PAPPA: variants seen among roughly 807,000 people sequenced by gnomAD.
PAPPA encodes the protein pappalysin-1.
PAPPA carries 60 observed loss-of-function variants against 164.0 expected under a neutral mutation model. The ratio of observed to expected loss-of-function variants is 0.37; its 90% CI spans 0.30 to 0.45. The LOEUF is 0.45. Among genes scored for constraint, PAPPA ranks in the 20% least tolerant of loss-of-function variants. PAPPA has a pLI of 1.00. For synonymous variants in PAPPA, 875 were observed against 814.1 expected, an observed-to-expected ratio of 1.07 and a Z score of -1.27; for missense variants, 1,782 against 2,087.3, an observed-to-expected ratio of 0.85 and a Z score of 2.85.
chr9:116,381,928 C>A (rs1266906705), intron 20 of PAPPA, among the ~76,000 whole-genome samples: 1 of 152,196 alleles, frequency 6.6e-6, no homozygotes, highest in African/African-American at 2.4e-5. Context: ...TACATTTTAT[C>A]TTAATGCTTC....
chr9:116,353,457 G>T (rs1846310515), intron 16 of PAPPA, among the ~76,000 whole-genome samples, 165 bp from the exon 17 acceptor site: 1 of 152,194 alleles, frequency 6.6e-6, no homozygotes. Flanking sequence ...TTCTGTGGAT[G>T]AATTATCCTT....
At chr9:116,306,367 T>C (rs1006358640) in intron 10 of PAPPA, among the ~76,000 whole-genome samples, 5 of 152,238 alleles carry the variant, frequency 3.3e-5, no homozygotes, top group Non-Finnish European at 7.3e-5. Flanking sequence ...AGTTTTGATG[T>C]TGTAAAAGCC....
At position 116,211,576 on chromosome 9, in the gene PAPPA, G is replaced by C. The variant is rs1844307421; in HGVS notation, c.1625-63G>C. The C allele has an allele frequency of 2.8e-6, 4 of 1,437,606 alleles. No individual in the cohort carries two copies. In the Admixed American group the frequency reaches 6.9e-5, roughly 25 times the overall value. The allele number at this position is 1,437,606 out of a possible 1,614,324, so 89.1% of individuals were successfully genotyped here. A position where few individuals can be genotyped will look rare whatever the true frequency, so the allele number is the denominator to read the frequency against. The stretch of plus-strand genomic sequence containing the variant: ...CATCTCTTTATCCTTGATGGACTTG[G>C]GGGTTCTTGCACCAAGAAGCAGAGT... On this transcript the variant is annotated intron_variant, in intron 3 of 21. Coordinates refer to ENST00000328252, the MANE Select transcript of PAPPA (RefSeq NM_002581.5).
intron 21 of PAPPA, among the ~76,000 whole-genome samples, chr9:116,389,177 G>A (rs1173650485): frequency 7.0e-6 from 1 of 143,660 alleles, no homozygotes; most frequent in Non-Finnish European, 1.5e-5. Flanking sequence ...TTGTCACCCA[G>A]GCTGGAGTGC....
chr9:116,154,283 C>T lies in PAPPA; in HGVS notation c.111C>T (p.Pro37=). Residue 37 remains proline, a synonymous_variant, in exon 1 of 22, where the codon CCC becomes CCT. Transcript: ENST00000328252. This position sits in a 1 kb window ranked among gnomAD's most constrained non-coding sequence, Gnocchi z 5.2. ...GGAGAGACCCGCGGGCCGGCCGACC[C>T]CCGCGCCCCGCCGCCGGCCCGGCCA... is the stretch of plus-strand genomic sequence containing the variant. ...RARRDPRAGR[P]PRPAAGPATC... 1.0e-6 allele frequency: 1 copy of T among 997,276 alleles called. No individual in the cohort carries two copies. Among genetic ancestry groups the T allele is most frequent in the Non-Finnish European group, 1.2e-6 (1 of 836,510 alleles). 61.8% of individuals were successfully genotyped at this position (997,276 alleles called of 1,614,324 possible). A position where few individuals can be genotyped will look rare whatever the true frequency, so the allele number is the denominator to read the frequency against.
chr9:116,234,947 G>A (rs1003962647), intron 6 of PAPPA, among the ~76,000 whole-genome samples, 192 bp from the exon 7 acceptor site: 12 of 152,150 alleles, frequency 7.9e-5, no homozygotes, highest in African/African-American at 2.7e-4. Flanking sequence ...TCTGAAATCT[G>A]TATTGCAGGG....
intron 13 of PAPPA, among the ~76,000 whole-genome samples, chr9:116,339,167 T>C (rs1011367719): frequency 1.3e-5 from 2 of 152,212 alleles, no homozygotes; most frequent in Non-Finnish European, 2.9e-5. Flanking sequence ...CTTTGGCCTT[T>C]ATTAGTTATC....
chr9:116,395,084 T>C (rs531025876), intron 21 of PAPPA, among the ~76,000 whole-genome samples: 3 of 152,196 alleles, frequency 2.0e-5, no homozygotes, highest in Non-Finnish European at 4.4e-5. Context: ...AGTTATTTCA[T>C]GTATTCCTTA....
chr9:116,167,722 G>C (rs558471000), intron 1 of PAPPA, among the ~76,000 whole-genome samples: 2 of 152,274 alleles, frequency 1.3e-5, no homozygotes, highest in East Asian at 3.9e-4. Flanking sequence ...TATCATCAGA[G>C]CTGATTAAGC....
At chr9:116,344,356 G>T (rs181827490) in intron 13 of PAPPA, among the ~76,000 whole-genome samples, 187 bp from the exon 14 acceptor site, 1 of 152,262 alleles carries the variant, frequency 6.6e-6, no homozygotes, top group East Asian at 1.9e-4. Flanking sequence ...GCCATAACTT[G>T]TGCTCTTAAT....
chr9:116,253,302 C>G (rs1844881597), intron 7 of PAPPA, among the ~76,000 whole-genome samples: 1 of 152,190 alleles, frequency 6.6e-6, no homozygotes, highest in African/African-American at 2.4e-5. Flanking sequence ...GCCCTTTGAA[C>G]TGTTTGAAAC....
intron 1 of PAPPA, among the ~76,000 whole-genome samples, chr9:116,177,485 G>A (rs181688215): frequency 6.6e-6 from 1 of 152,312 alleles, no homozygotes; most frequent in East Asian, 1.9e-4. Flanking sequence ...ATGTTGTACA[G>A]ATGATTCAAA....
intron 9 of PAPPA, among the ~76,000 whole-genome samples, chr9:116,278,514 A>G (rs1845228313): frequency 2.0e-5 from 3 of 152,360 alleles, no homozygotes; most frequent in Non-Finnish European, 2.9e-5. Flanking sequence ...TTCATGAGTC[A>G]TGAAACAACA....
At chr9:116,346,946 G>T (rs528807374) in intron 14 of PAPPA, 80 bp from the exon 15 acceptor site, 1 of 1,232,104 alleles carries the variant, frequency 8.1e-7, no homozygotes, top group African/African-American at 1.5e-5. Flanking sequence ...ACTCTGAGCC[G>T]TCACCTTGGG....
intron 17 of PAPPA, among the ~76,000 whole-genome samples, chr9:116,357,425 C>T (rs1846368338): frequency 6.6e-6 from 1 of 152,172 alleles, no homozygotes. Context: ...GTGTGCCAAG[C>T]TGCTGCTGCA....
At chr9:116,230,295 A>G (rs1244768478) in intron 6 of PAPPA, among the ~76,000 whole-genome samples, 1 of 152,082 alleles carries the variant, frequency 6.6e-6, no homozygotes, top group Non-Finnish European at 1.5e-5. Context: ...TTATTTCTCA[A>G]CTCATTCTCA....
chr9:116,255,228 T>C (rs1447615977), intron 7 of PAPPA, among the ~76,000 whole-genome samples: 1 of 152,032 alleles, frequency 6.6e-6, no homozygotes, highest in Non-Finnish European at 1.5e-5. Flanking sequence ...CAGCTCAATG[T>C]CTTGGAAAGA....
intron 1 of PAPPA, among the ~76,000 whole-genome samples, chr9:116,169,776 A>G (rs1843756244): frequency 6.6e-6 from 1 of 151,110 alleles, no homozygotes; most frequent in Non-Finnish European, 1.5e-5. Flanking sequence ...GTTATCAGAG[A>G]GCTTCAAACA....
At position 116,321,476 on chromosome 9, in the gene PAPPA, T is replaced by C. The variant is rs116927606; in HGVS notation, c.3148-9768T>C. On this transcript the variant is annotated intron_variant, in intron 10 of 21. Transcript: ENST00000328252. ...ATCTTCTAGGCCAGTTCTGAGCAAT[T>C]AGAGTGACTCCCCATAGTGTTTTGT... 9.7e-3 allele frequency among the ~76,000 whole-genome samples: 1,481 copies of C among 152,290 alleles called. 18 individuals are homozygous for C. The highest frequency in any genetic ancestry group is 0.042 in the South Asian group (202 of 4,812).
Sources: allele counts gnomAD v4.1 joint callset (sites outside exome capture counted in the v4.1 genomes callset), GRCh38; gene constraint gnomAD v4.1.1; non-coding constraint Gnocchi (gnomAD v3.1); transcripts MANE v1.5; gene names NCBI Gene and HGNC (gene_info 2026-07-23, HGNC 2026-07-21).